TRAPPC9: variants seen among roughly 807,000 people sequenced by gnomAD.
TRAPPC9 encodes the protein trafficking protein particle complex subunit 9, also known as IKK2 binding protein.
TRAPPC9 carries 83 observed loss-of-function variants against 124.0 expected under a neutral mutation model. The ratio of observed to expected loss-of-function variants is 0.67; its 90% CI spans 0.56 to 0.80. The LOEUF (loss-of-function observed/expected upper bound fraction) is 0.80, where lower values mean the gene tolerates loss of function less well. Ranked by LOEUF, TRAPPC9 falls within the 30% of genes least tolerant of loss-of-function variation. TRAPPC9 has a pLI of 0.00. For synonymous variants in TRAPPC9, 638 were observed against 617.5 expected, an observed-to-expected ratio of 1.03 and a Z score of -0.49; for missense variants, 1,302 against 1,508.3, an observed-to-expected ratio of 0.86 and a Z score of 2.27.
chr8:140,171,066 G>A lies in TRAPPC9; in HGVS notation c.2556+50393C>T, dbSNP rs141992149. Among the ~76,000 whole-genome samples, 7 of 152,354 alleles carry A rather than the reference G, an allele frequency of 4.6e-5. No homozygotes were observed. In the East Asian group the frequency reaches 1.3e-3, roughly 29 times the overall value. On this transcript the variant is annotated intron_variant, in intron 17 of 22. Coordinates refer to ENST00000438773, the MANE Select transcript of TRAPPC9 (RefSeq NM_001160372.4). Reference sequence around the variant, plus strand: ...ATCAAGTTGCGAGAAACAGGTTAGAGAGTTGAGAGATGATGTCTGAAACTG... The same window carrying A: ...ATCAAGTTGCGAGAAACAGGTTAGAAAGTTGAGAGATGATGTCTGAAACTG...
chr8:140,043,356 T>C lies in TRAPPC9; in HGVS notation c.2557-19277A>G, dbSNP rs1046336072. On this transcript the variant is annotated intron_variant, in intron 17 of 22. Coordinates refer to ENST00000438773, the MANE Select transcript of TRAPPC9 (RefSeq NM_001160372.4). ...TGTGGCTAAAGCCTCAAAGCCATCC[T>C]ACAGAAAAAAAGCCCATTATTCCCA... is the stretch of plus-strand genomic sequence containing the variant. Among the ~76,000 whole-genome samples, 6 of 152,310 alleles carry C rather than the reference T, an allele frequency of 3.9e-5. No individual in the cohort carries two copies. In the South Asian group the frequency reaches 8.3e-4, roughly 21 times the overall value.
intron 12 of TRAPPC9, among the ~76,000 whole-genome samples, chr8:140,289,692 A>C (rs2065592736): frequency 6.6e-6 from 1 of 152,200 alleles, no homozygotes; most frequent in African/African-American, 2.4e-5. Flanking sequence ...ACCAAAAAAA[A>C]AAATGTGTAA....
intron 10 of TRAPPC9, among the ~76,000 whole-genome samples, chr8:140,308,328 A>G (rs1355502063): frequency 6.7e-6 from 1 of 149,752 alleles, no homozygotes; most frequent in Non-Finnish European, 1.5e-5. Flanking sequence ...TGGGGAGCAG[A>G]GTAGGCTACG....
At chr8:140,051,147 G>A (rs970168276) in intron 17 of TRAPPC9, among the ~76,000 whole-genome samples, 8 of 152,352 alleles carry the variant, frequency 5.3e-5, no homozygotes, top group Non-Finnish European at 1.0e-4. Context: ...CAAGAGAGAA[G>A]TGCCTTCATT....
chr8:140,162,058 G>A (rs2061760587), intron 17 of TRAPPC9, among the ~76,000 whole-genome samples: 1 of 152,212 alleles, frequency 6.6e-6, no homozygotes, highest in Non-Finnish European at 1.5e-5. Flanking sequence ...TAGGACACTA[G>A]TCCTGAGCTG....
intron 20 of TRAPPC9, among the ~76,000 whole-genome samples, chr8:139,908,099 A>G (rs553552301): frequency 2.6e-5 from 4 of 152,178 alleles, no homozygotes; most frequent in Non-Finnish European, 5.9e-5. Context: ...GCCCAGCACA[A>G]TGAGGCCCTG....
intron 19 of TRAPPC9, among the ~76,000 whole-genome samples, chr8:139,938,532 G>A (rs1362849805): frequency 3.9e-5 from 6 of 151,986 alleles, no homozygotes; most frequent in South Asian, 2.1e-4. Flanking sequence ...TGATCCTCCC[G>A]CCTCGGCCTC....
intron 9 of TRAPPC9, among the ~76,000 whole-genome samples, chr8:140,329,176 G>C (rs369810306): frequency 6.6e-6 from 1 of 152,160 alleles, no homozygotes; most frequent in Admixed American, 6.5e-5. Flanking sequence ...GGAACACAGA[G>C]GTGAGGGGCA....
At chr8:139,872,474 G>A (rs1274113603) in intron 21 of TRAPPC9, among the ~76,000 whole-genome samples, 9 of 136,778 alleles carry the variant, frequency 6.6e-5, no homozygotes, top group Non-Finnish European at 1.1e-4. Context: ...GTGGATGGAC[G>A]GATGGGTGGG....
intron 5 of TRAPPC9, among the ~76,000 whole-genome samples, chr8:140,414,805 G>A (rs1051563861): frequency 5.9e-5 from 9 of 151,854 alleles, no homozygotes; most frequent in Admixed American, 3.9e-4. Context: ...GCAGTGGTGC[G>A]ATCTTGGCTC....
chr8:139,932,067 A>G (rs1422674111), intron 19 of TRAPPC9: 3 of 336,944 alleles, frequency 8.9e-6, no homozygotes, highest in African/African-American at 6.5e-5. Flanking sequence ...GAGCAATAAT[A>G]CAATTCAAAA....
intron 17 of TRAPPC9, among the ~76,000 whole-genome samples, chr8:140,177,325 G>A (rs969755284): frequency 2.0e-5 from 3 of 151,942 alleles, no homozygotes; most frequent in African/African-American, 7.3e-5. Context: ...TATACATGTG[G>A]GGTTAAGGGT....
At chr8:139,912,943 C>T (rs772919800) in intron 19 of TRAPPC9, among the ~76,000 whole-genome samples, 10 of 152,186 alleles carry the variant, frequency 6.6e-5, no homozygotes, top group Non-Finnish European at 1.3e-4. Context: ...TGAAAAAGGC[C>T]AGCTTAAGTT....
chr8:139,898,001 G>A (rs11786189), intron 20 of TRAPPC9, among the ~76,000 whole-genome samples: 20,440 of 152,310 alleles, frequency 0.13, 1,440 homozygotes, highest in South Asian at 0.22. Context: ...GGGGGACGAC[G>A]TAAGGCAGTG....
intron 17 of TRAPPC9, among the ~76,000 whole-genome samples, chr8:140,156,853 CAAG>C (rs1194762346): frequency 2.0e-5 from 3 of 152,182 alleles, no homozygotes; most frequent in African/African-American, 4.8e-5. Flanking sequence ...AAATTTAATG[CAAG>C]AAGGGGAGAG....
intron 20 of TRAPPC9, among the ~76,000 whole-genome samples, chr8:139,891,951 T>C (rs1320594027): frequency 6.6e-6 from 1 of 152,240 alleles, no homozygotes; most frequent in Non-Finnish European, 1.5e-5. Context: ...GGCAGCCCAC[T>C]CTGCCCCCAG....
chr8:140,262,845 C>G (rs550522253), intron 15 of TRAPPC9: 1 of 152,162 alleles, frequency 6.6e-6, no homozygotes, highest in African/African-American at 2.4e-5. Context: ...AGGCAATGGA[C>G]GGTAGAAGTG....
At chr8:140,393,751 T>A (rs2069004150) in intron 7 of TRAPPC9, among the ~76,000 whole-genome samples, 1 of 152,222 alleles carries the variant, frequency 6.6e-6, no homozygotes, top group South Asian at 2.1e-4. Flanking sequence ...AATTCTACAA[T>A]GGAACATACT....
chr8:139,972,223 A>G (rs1271385542), intron 19 of TRAPPC9, among the ~76,000 whole-genome samples: 1 of 152,166 alleles, frequency 6.6e-6, no homozygotes, highest in Non-Finnish European at 1.5e-5. Context: ...GGGAGAATTG[A>G]GCAAAACGCA....
Sources: allele counts gnomAD v4.1 joint callset (sites outside exome capture counted in the v4.1 genomes callset), GRCh38; gene constraint gnomAD v4.1.1; transcripts MANE v1.5; gene names NCBI Gene and HGNC (gene_info 2026-07-23, HGNC 2026-07-21).